YPEL1: variants seen among roughly 807,000 people sequenced by gnomAD.
YPEL1 encodes protein yippee-like 1.
YPEL1 carries 7 observed loss-of-function variants against 17.3 expected under a neutral mutation model. That is an observed-to-expected ratio of 0.40 (90% CI 0.23 to 0.76). YPEL1 has a LOEUF of 0.76. Among genes scored for constraint, YPEL1 ranks in the 30% least tolerant of loss-of-function variants. YPEL1 has a pLI of 0.35. For synonymous variants in YPEL1, 59 were observed against 59.6 expected (o/e 0.99, Z 0.05); for missense variants, 91 against 155.5 (o/e 0.59, Z 2.21).
At chr22:21,718,310 A>G (rs1276194476) in intron 1 of YPEL1, among the ~76,000 whole-genome samples, 1 of 151,566 alleles carries the variant, frequency 6.6e-6, no homozygotes, top group Non-Finnish European at 1.5e-5. Flanking sequence ...AAAAATACAA[A>G]AAAAATTAGT....
intron 1 of YPEL1, among the ~76,000 whole-genome samples, chr22:21,716,294 A>G (rs1191142614): frequency 6.6e-6 from 1 of 152,282 alleles, no homozygotes; most frequent in Non-Finnish European, 1.5e-5. Flanking sequence ...AAATACTTGG[A>G]CCAGCCCTCC....
At position 21,710,916 on chromosome 22, in the gene YPEL1, CCAAT is replaced by C. The variant is rs1268962488; in HGVS notation, c.-164-12_-164-9del. The C allele has an allele frequency of 1.5e-6, 1 of 656,188 alleles. No individual in the cohort carries two copies. Among genetic ancestry groups the C allele is most frequent in the East Asian group, 2.6e-5 (1 of 38,602 alleles). The allele number at this position is 656,188 out of a possible 1,614,324, so 40.6% of individuals were successfully genotyped here. On this transcript the variant is annotated splice_polypyrimidine_tract_variant and intron_variant, in intron 1 of 4. Transcript: ENST00000339468. ...ACGAGAGAAAAACGTAACCTGCCAA[CCAAT>C]CAGACAAAGTGGTGGGTTACAGAGA...
intron 1 of YPEL1, among the ~76,000 whole-genome samples, chr22:21,726,783 C>A (rs2068339931): frequency 6.6e-6 from 1 of 152,172 alleles, no homozygotes; most frequent in South Asian, 2.1e-4. Context: ...ACTGGCTGAG[C>A]CTCCCAGCTG....
At chr22:21,731,212 TA>T (rs143088843) in intron 1 of YPEL1, among the ~76,000 whole-genome samples, 2 of 150,590 alleles carry the variant, frequency 1.3e-5, no homozygotes, top group Admixed American at 6.6e-5. Context: ...AACCCGTCTC[TA>T]AAAAAAAATT....
rs1429039880 is a variant in YPEL1, at chr22:21,710,778, G to A, written c.-34C>T. 1.3e-6 allele frequency: 2 copies of A among 1,585,224 alleles called. No individual in the cohort carries two copies. The highest frequency in any genetic ancestry group is 1.7e-6 in the Non-Finnish European group (2 of 1,153,854). ...GGCACTCCTCACTCAGCTCAGGGCT[G>A]GTTCTGGAAGAACCGTGGCTCTGCT... On this transcript the variant is annotated 5_prime_UTR_variant, in exon 2 of 5. Transcript: ENST00000339468.
chr22:21,718,775 C>T (rs533765887), intron 1 of YPEL1, among the ~76,000 whole-genome samples: 7 of 135,364 alleles, frequency 5.2e-5, no homozygotes, highest in Admixed American at 1.5e-4. Context: ...AAGGTATACA[C>T]GTGTAAATAC....
rs368293291 is a variant in YPEL1, at chr22:21,703,934, G to T, written c.118-52C>A. 63 of 1,555,386 alleles carry T rather than the reference G, an allele frequency of 4.1e-5. No homozygotes were observed. Among genetic ancestry groups the T allele is most frequent in the Non-Finnish European group, 5.2e-5 (60 of 1,148,632 alleles). On this transcript the variant is annotated intron_variant, in intron 2 of 4. Transcript: ENST00000339468. The surrounding 1 kb of genome is among the most constrained non-coding windows in gnomAD (Gnocchi z 6.1). Reference sequence around the variant, plus strand: ...GGCTGCGAGTGCTTTCTGGAACGAAGCGGTGCTGCCCAGAACCAGGGGAGT... The same window carrying T: ...GGCTGCGAGTGCTTTCTGGAACGAATCGGTGCTGCCCAGAACCAGGGGAGT...
rs143834675 is a variant in YPEL1 at position 21,703,112 on chromosome 22, G to C, written c.270+258C>G. Among the ~76,000 whole-genome samples the C allele has an allele frequency of 7.9e-5, 12 of 152,294 alleles. No individual in the cohort carries two copies. The highest frequency in any genetic ancestry group is 1.5e-4 in the Non-Finnish European group (10 of 68,028). On this transcript the variant is annotated intron_variant, in intron 4 of 4. Transcript: ENST00000339468. The surrounding 1 kb of genome is among the most constrained non-coding windows in gnomAD (Gnocchi z 6.1). ...GGGCGGGCTGGGTGCAGAGAGCCTG[G>C]CTTAGGAAGAAACAGGGCTTGAAAA...
chr22:21,731,557 C>CA (rs2068387573), intron 1 of YPEL1, among the ~76,000 whole-genome samples: 1 of 133,554 alleles, frequency 7.5e-6, no homozygotes, highest in African/African-American at 2.8e-5. Flanking sequence ...AAAAAAAAAA[C>CA]AGATACACAA....
At chr22:21,704,157 T>C in intron 2 of YPEL1, 1 of 718,258 alleles carries the variant, frequency 1.4e-6, no homozygotes, top group South Asian at 1.5e-5. Context: ...AGATCAGTTT[T>C]TAAATGGTGA....
intron 1 of YPEL1, among the ~76,000 whole-genome samples, chr22:21,723,502 G>A (rs2068303979): frequency 6.6e-6 from 1 of 152,100 alleles, no homozygotes; most frequent in African/African-American, 2.4e-5. Context: ...AGAGTAGCTG[G>A]GATTACAGGT....
rs958104246 is a variant in YPEL1 at position 21,703,750 on chromosome 22, A to G, written c.161+89T>C. ...GTTCTTTCAGGACCCCTAAAGACCC[A>G]GGTGATTCTACACAGGGCACTGTGT... On this transcript the variant is annotated intron_variant, in intron 3 of 4. Transcript: ENST00000339468. This position sits in a 1 kb window ranked among gnomAD's most constrained non-coding sequence, Gnocchi z 6.1. The G allele has an allele frequency of 1.2e-5, 17 of 1,419,614 alleles. No homozygotes were observed. Among genetic ancestry groups the G allele is most frequent in the Admixed American group, 6.7e-5 (3 of 44,742 alleles). 87.9% of individuals were successfully genotyped at this position (1,419,614 alleles called of 1,614,324 possible).
rs534774336 is a variant in YPEL1 at position 21,721,709 on chromosome 22, C to A, written c.-164-10801G>T. ...AAAGGGCTGGGATTACAGGCCTGAG[C>A]CACTGTGCCCGGCCCAACATTTTTT... On this transcript the variant is annotated intron_variant, in intron 1 of 4. Coordinates refer to ENST00000339468, the MANE Select transcript of YPEL1 (RefSeq NM_013313.5). 2.5e-3 allele frequency among the ~76,000 whole-genome samples: 384 copies of A among 152,352 alleles called. 9 individuals are homozygous for A. Among genetic ancestry groups the A allele is most frequent in the Non-Finnish European group, 1.1e-3 (76 of 68,040 alleles).
chr22:21,721,308 TGA>T (rs1478639987), intron 1 of YPEL1, among the ~76,000 whole-genome samples: 3 of 151,216 alleles, frequency 2.0e-5, no homozygotes, highest in African/African-American at 7.3e-5. Flanking sequence ...TTAGTAGAGA[TGA>T]GGTTTCACCA....
chr22:21,715,511 C>T (rs1237429920), intron 1 of YPEL1, among the ~76,000 whole-genome samples: 1 of 151,668 alleles, frequency 6.6e-6, no homozygotes, highest in Non-Finnish European at 1.5e-5. Context: ...ACAACAACAA[C>T]AAACAAACAA....
At chr22:21,728,744 T>G (rs1005889911) in intron 1 of YPEL1, among the ~76,000 whole-genome samples, 1 of 152,124 alleles carries the variant, frequency 6.6e-6, no homozygotes, top group African/African-American at 2.4e-5. Context: ...GCGTGGTGGC[T>G]CACACCTGTA....
At chr22:21,728,710 TGATTTTTTTAAAAGTTAGGCCAGGC>T in intron 1 of YPEL1, among the ~76,000 whole-genome samples, 1 of 152,134 alleles carries the variant, frequency 6.6e-6, no homozygotes, top group African/African-American at 2.4e-5. Flanking sequence ...AGGTTGGCAA[TGATTTTTTTAAAAGTTAGGCCAGGC>T]GTGGTGGCTC....
intron 1 of YPEL1, among the ~76,000 whole-genome samples, chr22:21,714,902 A>G (rs1220673309): frequency 6.6e-6 from 1 of 152,070 alleles, no homozygotes; most frequent in African/African-American, 2.4e-5. Flanking sequence ...CACATTTTCT[A>G]TTAGCTGCTG....
At chr22:21,706,952 A>C (rs911695957) in intron 2 of YPEL1, among the ~76,000 whole-genome samples, 13 of 152,206 alleles carry the variant, frequency 8.5e-5, no homozygotes, top group African/African-American at 2.7e-4. Context: ...CCCTTTATTT[A>C]AAGTGAAAAA....
Sources: allele counts gnomAD v4.1 joint callset (sites outside exome capture counted in the v4.1 genomes callset), GRCh38; gene constraint gnomAD v4.1.1; non-coding constraint Gnocchi (gnomAD v3.1); transcripts MANE v1.5; gene names NCBI Gene and HGNC (gene_info 2026-07-23, HGNC 2026-07-21).